Variants in XRN2 observed in about 807,000 individuals in gnomAD.
The protein encoded by XRN2 is DHM1-like protein.
XRN2 carries 44 observed loss-of-function variants against 138.5 expected under a neutral mutation model. The observed-to-expected ratio is 0.32, with a 90% CI of 0.25 to 0.41. The LOEUF is 0.41. Among genes scored for constraint, XRN2 ranks in the 10% least tolerant of loss-of-function variants. XRN2 has a pLI of 1.00. For synonymous variants in XRN2, 354 were observed against 369.4 expected (o/e 0.96, Z 0.48); for missense variants, 937 against 1,169.3 (o/e 0.80, Z 2.90).
intron 6 of XRN2, 59 bp downstream of exon 6, chr20:21,330,764 T>C: frequency 6.9e-7 from 1 of 1,440,006 alleles, no homozygotes; most frequent in Non-Finnish European, 9.7e-7. Context: ...GGCTGTACTT[T>C]GATATGACTG....
chr20:21,321,305 G>C (rs1337535476), intron 1 of XRN2, among the ~76,000 whole-genome samples: 14 of 7,252 alleles, frequency 1.9e-3, no homozygotes, highest in Admixed American at 7.3e-3. Flanking sequence ...GCCTGGCTGT[G>C]TGTGTGTGTG....
intron 24 of XRN2, among the ~76,000 whole-genome samples, chr20:21,361,316 A>G (rs899470693): frequency 2.6e-5 from 4 of 152,236 alleles, no homozygotes; most frequent in African/African-American, 9.6e-5. Context: ...AGCATTTAAA[A>G]TAGTGAGGTT....
intron 17 of XRN2, 116 bp downstream of exon 17, chr20:21,346,666 C>CCT: frequency 7.6e-7 from 1 of 1,311,904 alleles, no homozygotes; most frequent in East Asian, 2.5e-5. Context: ...GTCACCTGGG[C>CCT]GGGAGGGCAA....
intron 15 of XRN2, among the ~76,000 whole-genome samples, chr20:21,343,032 C>T (rs1009074625): frequency 6.6e-5 from 10 of 151,772 alleles, no homozygotes; most frequent in African/African-American, 1.5e-4. Context: ...AATATGATTT[C>T]GTATTATTTT....
At chr20:21,330,413 C>G in intron 4 of XRN2, 68 bp from the exon 5 acceptor site, 1 of 1,529,456 alleles carries the variant, frequency 6.5e-7, no homozygotes, top group Non-Finnish European at 8.8e-7. Context: ...TTTTGTTGTT[C>G]TGGCTTAATG....
intron 21 of XRN2, 92 bp downstream of exon 21, chr20:21,354,964 G>C (rs1392938522): frequency 1.5e-5 from 15 of 1,027,972 alleles, no homozygotes; most frequent in Middle Eastern, 2.9e-4. Context: ...CTGTTTGTCA[G>C]ATTTCCCATA....
At chr20:21,370,237 A>C (rs1320325234) in intron 27 of XRN2, among the ~76,000 whole-genome samples, 1 of 152,144 alleles carries the variant, frequency 6.6e-6, no homozygotes, top group Non-Finnish European at 1.5e-5. Flanking sequence ...TGCCGGTACC[A>C]TACTGTTGTG....
At chr20:21,383,650 A>T (rs2038909050) in intron 28 of XRN2, among the ~76,000 whole-genome samples, 2 of 152,164 alleles carry the variant, frequency 1.3e-5, no homozygotes, top group Admixed American at 1.3e-4. Context: ...ATCTGTTTCC[A>T]CTTCTAAGGC....
chr20:21,381,224 A>G (rs1277409012), intron 27 of XRN2, among the ~76,000 whole-genome samples: 1 of 152,246 alleles, frequency 6.6e-6, no homozygotes, highest in Non-Finnish European at 1.5e-5. Flanking sequence ...CTGTCCTCAC[A>G]TGGTGAACTC....
intron 1 of XRN2, among the ~76,000 whole-genome samples, chr20:21,314,303 T>C (rs749168850): frequency 6.6e-6 from 1 of 152,266 alleles, no homozygotes; most frequent in Non-Finnish European, 1.5e-5. Flanking sequence ...TGCCATTGTA[T>C]GGATATACCA....
At chr20:21,314,590 G>A (rs1014565836) in intron 1 of XRN2, among the ~76,000 whole-genome samples, 2 of 152,014 alleles carry the variant, frequency 1.3e-5, no homozygotes, top group Non-Finnish European at 2.9e-5. Flanking sequence ...GGGTTCAAGC[G>A]ATTCTCCTGC....
intron 16 of XRN2, 117 bp from the exon 17 acceptor site, chr20:21,346,298 A>T: frequency 7.6e-7 from 1 of 1,321,270 alleles, no homozygotes; most frequent in Non-Finnish European, 1.1e-6. Context: ...ATGACTGTTT[A>T]ACTCTTTCAC....
At position 21,362,645 on chromosome 20, in the gene XRN2, C is replaced by A. The variant is rs1376875546; in HGVS notation, c.2256-2776C>A. On this transcript the variant is annotated intron_variant, in intron 24 of 29. Coordinates refer to ENST00000377191, the MANE Select transcript of XRN2 (RefSeq NM_012255.5). ...TCATTGACTACTTGCAAAGGCATCA[C>A]ATTATACTCACACAAACCCTCCATG... Among the ~76,000 whole-genome samples, 3 of 152,192 alleles carry A rather than the reference C, an allele frequency of 2.0e-5. No homozygotes were observed. In the East Asian group the frequency reaches 5.8e-4, roughly 29 times the overall value.
rs371926380 is a variant in XRN2 at position 21,378,865 on chromosome 20, C to A, written c.2585-3129C>A. Among the ~76,000 whole-genome samples, 32 of 152,258 alleles carry A rather than the reference C, an allele frequency of 2.1e-4. No homozygotes were observed. The East Asian group carries it at 3.9e-3, about 18-fold the overall frequency. ...TTCTTATTGTTGGTGTTTGATTTGT[C>A]TTTGATGTGTCAGTTTTGGCTGATG... On this transcript the variant is annotated intron_variant, in intron 27 of 29. Transcript: ENST00000377191.
At chr20:21,375,717 C>A (rs553615559) in intron 27 of XRN2, among the ~76,000 whole-genome samples, 4 of 151,908 alleles carry the variant, frequency 2.6e-5, no homozygotes, top group African/African-American at 9.6e-5. Flanking sequence ...TCAGTATCAC[C>A]ACATTAACCT....
intron 20 of XRN2, among the ~76,000 whole-genome samples, chr20:21,353,223 GATATATATATATATATATATATATAT>G (rs869071652): frequency 4.9e-4 from 56 of 113,846 alleles, no homozygotes; most frequent in Non-Finnish European, 6.0e-4. Flanking sequence ...TAGTGGGTAG[GATATATATATATATATATATATATAT>G]ATATATATAT....
intron 29 of XRN2, among the ~76,000 whole-genome samples, chr20:21,387,730 T>G (rs1370347920): frequency 6.6e-6 from 1 of 152,184 alleles, no homozygotes; most frequent in Non-Finnish European, 1.5e-5. Context: ...ATGCTGTGAT[T>G]CAGAGTAATG....
chr20:21,353,653 G>T (rs1568587033), intron 20 of XRN2, among the ~76,000 whole-genome samples: 1 of 152,044 alleles, frequency 6.6e-6, no homozygotes, highest in East Asian at 1.9e-4. Flanking sequence ...TTAGCTGGGT[G>T]TGGTGGTGGC....
At position 21,330,477 on chromosome 20, in the gene XRN2, C is replaced by T; in HGVS notation, c.428-4C>T. ...GAGAACAAAACGTTGCCTCTTTTCT[C>T]TAGGTGGCTTTCTTCCTCCAGAAGA... On this transcript the variant is annotated splice_polypyrimidine_tract_variant and splice_region_variant and intron_variant, in intron 4 of 29. Coordinates refer to ENST00000377191, the MANE Select transcript of XRN2 (RefSeq NM_012255.5). The T allele has an allele frequency of 6.2e-7, 1 of 1,613,236 alleles. No individual in the cohort carries two copies. The highest frequency in any genetic ancestry group is 8.5e-7 in the Non-Finnish European group (1 of 1,179,870).
Sources: gnomAD v4.1 joint callset for allele counts (sites outside exome capture counted in the v4.1 genomes callset) on GRCh38, gnomAD v4.1.1 for gene constraint, MANE v1.5 for transcripts, NCBI Gene and HGNC (gene_info 2026-07-23, HGNC 2026-07-21) for gene names.